CUEDC1: variants seen among roughly 807,000 people sequenced by gnomAD.
CUEDC1 encodes the protein CUE domain containing 1.
A neutral mutation model predicts 43.7 loss-of-function variants in CUEDC1; 30 were observed. The ratio of observed to expected loss-of-function variants is 0.69; its 90% CI spans 0.51 to 0.93. CUEDC1 has a LOEUF of 0.93. Ranked by LOEUF, CUEDC1 falls within the 40% of genes least tolerant of loss-of-function variation. CUEDC1 has a pLI of 0.00. For synonymous variants in CUEDC1, 223 were observed against 223.6 expected (o/e 1.00, Z 0.02); for missense variants, 486 against 549.0 (o/e 0.89, Z 1.15).
chr17:57,925,859 G>T (rs1258479303), intron 1 of CUEDC1, among the ~76,000 whole-genome samples: 1 of 152,218 alleles, frequency 6.6e-6, no homozygotes, highest in Non-Finnish European at 1.5e-5. Context: ...GCCTGGTACT[G>T]CCAGCAAAGA....
intron 1 of CUEDC1, among the ~76,000 whole-genome samples, chr17:57,925,875 T>A (rs530996385): frequency 2.0e-5 from 3 of 152,350 alleles, no homozygotes; most frequent in African/African-American, 7.2e-5. Context: ...AAAGATGCTC[T>A]CGAGCTCAGC....
intron 1 of CUEDC1, 25 bp from the exon 2 acceptor site, chr17:57,885,904 G>C: frequency 4.8e-6 from 1 of 209,318 alleles, no homozygotes; most frequent in Non-Finnish European, 9.4e-6. Flanking sequence ...GATGGAGTCA[G>C]GGCCGAGGCT....
chr17:57,909,985 T>C lies in CUEDC1; in HGVS notation c.-315-24106A>G, dbSNP rs540063957. Among the ~76,000 whole-genome samples the C allele has an allele frequency of 2.0e-5, 3 of 152,208 alleles. No homozygotes were observed. The South Asian group carries it at 6.2e-4, about 32-fold the overall frequency. On this transcript the variant is annotated intron_variant, in intron 1 of 10. Coordinates refer to ENST00000577830, the MANE Select transcript of CUEDC1 (RefSeq NM_001271875.2). ...ACTGGGTGTTTGGTTCTGGTTTTGTTTTGTTTTGTTTTGTTTTAGAGATGG... is the reference window on the plus strand; with the variant it reads ...ACTGGGTGTTTGGTTCTGGTTTTGTCTTGTTTTGTTTTGTTTTAGAGATGG...
intron 7 of CUEDC1, chr17:57,868,524 C>T: frequency 2.1e-6 from 1 of 483,402 alleles, no homozygotes; most frequent in East Asian, 3.8e-5. Context: ...TCCAAGTATT[C>T]CCTCCCCAGC....
intron 1 of CUEDC1, among the ~76,000 whole-genome samples, chr17:57,902,206 A>G (rs1420029018): frequency 2.6e-5 from 4 of 151,110 alleles, no homozygotes; most frequent in Non-Finnish European, 4.4e-5. Flanking sequence ...AAAAAAAAAC[A>G]AAAAACAAAA....
At position 57,888,526 on chromosome 17, in the gene CUEDC1, G is replaced by A. The variant is rs117970515; in HGVS notation, c.-315-2647C>T. On this transcript the variant is annotated intron_variant, in intron 1 of 10. Transcript: ENST00000577830. ...CAGTCCAAGAGTTTTGCTGTGAGAAGGAACATAGGAAGGTAGCCAAGTATG... is the reference window on the plus strand; with the variant it reads ...CAGTCCAAGAGTTTTGCTGTGAGAAAGAACATAGGAAGGTAGCCAAGTATG... Among the ~76,000 whole-genome samples the A allele has an allele frequency of 2.8e-3, 427 of 152,350 alleles. 9 individuals carry two copies. In the East Asian group the frequency reaches 0.049, roughly 17 times the overall value.
chr17:57,870,231 G>T (rs961065642), intron 6 of CUEDC1, among the ~76,000 whole-genome samples: 2 of 152,248 alleles, frequency 1.3e-5, no homozygotes, highest in Non-Finnish European at 2.9e-5. Flanking sequence ...TTCGCACACA[G>T]GCACCAGGTC....
intron 3 of CUEDC1, among the ~76,000 whole-genome samples, chr17:57,874,521 GA>G (rs1390435703): frequency 6.6e-6 from 1 of 152,242 alleles, no homozygotes; most frequent in African/African-American, 2.4e-5. Context: ...AGTAGAGGAA[GA>G]GGGGGTGGCA....
chr17:57,895,576 TG>T (rs769493806), intron 1 of CUEDC1, among the ~76,000 whole-genome samples: 2 of 152,318 alleles, frequency 1.3e-5, no homozygotes, highest in East Asian at 1.9e-4. Flanking sequence ...CTGGGCTGGC[TG>T]GGGACTATTT....
At chr17:57,908,987 A>C (rs2074557154) in intron 1 of CUEDC1, among the ~76,000 whole-genome samples, 1 of 151,964 alleles carries the variant, frequency 6.6e-6, no homozygotes, top group Non-Finnish European at 1.5e-5. Context: ...ACAGAACGAG[A>C]CTGTCTCAAA....
chr17:57,927,304 C>A (rs950977804), intron 1 of CUEDC1, among the ~76,000 whole-genome samples: 2 of 151,992 alleles, frequency 1.3e-5, no homozygotes, highest in Non-Finnish European at 2.9e-5. Context: ...TCCCCACTCC[C>A]CCCGGGAGTC....
At chr17:57,906,084 A>G (rs1407142096) in intron 1 of CUEDC1, among the ~76,000 whole-genome samples, 1 of 152,256 alleles carries the variant, frequency 6.6e-6, no homozygotes, top group Non-Finnish European at 1.5e-5. Context: ...CATATGCTCC[A>G]GTGATTCCAT....
chr17:57,894,911 C>T (rs1597990834), intron 1 of CUEDC1, among the ~76,000 whole-genome samples: 1 of 152,130 alleles, frequency 6.6e-6, no homozygotes, highest in Non-Finnish European at 1.5e-5. Context: ...GGTGTGGCTG[C>T]CACAAAAGGC....
intron 1 of CUEDC1, among the ~76,000 whole-genome samples, chr17:57,944,210 A>ATT (rs60055226): frequency 1.6e-4 from 22 of 139,802 alleles, no homozygotes; most frequent in African/African-American, 3.1e-4. Context: ...ATATATATAT[A>ATT]TTTTTTTTTT....
intron 1 of CUEDC1, among the ~76,000 whole-genome samples, chr17:57,916,699 C>A (rs955829940): frequency 1.3e-5 from 2 of 152,188 alleles, no homozygotes; most frequent in African/African-American, 4.8e-5. Flanking sequence ...CTCGCCCACC[C>A]CCAGGCTCAC....
intron 1 of CUEDC1, among the ~76,000 whole-genome samples, chr17:57,932,447 A>G (rs894229365): frequency 6.6e-6 from 1 of 151,334 alleles, no homozygotes; most frequent in Non-Finnish European, 1.5e-5. Flanking sequence ...TTAGCCGGGC[A>G]TGGCAGCGGG....
intron 3 of CUEDC1, among the ~76,000 whole-genome samples, chr17:57,877,884 C>CA (rs59469013): frequency 0.55 from 49,191 of 89,262 alleles, 12,497 homozygotes; most frequent in African/African-American, 0.66. Context: ...GACTCCGACT[C>CA]AAAAAAAAAA....
At chr17:57,949,485 C>T (rs2074985730) in intron 1 of CUEDC1, among the ~76,000 whole-genome samples, 1 of 151,138 alleles carries the variant, frequency 6.6e-6, no homozygotes, top group Non-Finnish European at 1.5e-5. Context: ...TCAAGCAGGA[C>T]ACAAATCCCA....
chr17:57,903,933 G>A (rs1231911378), intron 1 of CUEDC1, among the ~76,000 whole-genome samples: 4 of 118,760 alleles, frequency 3.4e-5, no homozygotes, highest in Non-Finnish European at 7.5e-5. Context: ...GAGAGACCGT[G>A]TTTCAAAAAA....
Sources: allele counts gnomAD v4.1 joint callset (sites outside exome capture counted in the v4.1 genomes callset), GRCh38; gene constraint gnomAD v4.1.1; transcripts MANE v1.5; gene names NCBI Gene and HGNC (gene_info 2026-07-23, HGNC 2026-07-21).